ACACA: variants seen among roughly 807,000 people sequenced by gnomAD.
The protein encoded by ACACA is acetyl-CoA carboxylase 1.
A neutral mutation model predicts 296.1 loss-of-function variants in ACACA; 103 were observed. That is an observed-to-expected ratio of 0.35 (90% CI 0.30 to 0.41). The LOEUF (loss-of-function observed/expected upper bound fraction) is 0.41, where lower values mean the gene tolerates loss of function less well. ACACA is among the 10% of genes least tolerant of loss of function. ACACA has a pLI of 1.00. For missense variants in ACACA, 1,554 were observed against 2,989.7 expected, an observed-to-expected ratio of 0.52 and a Z score of 11.20; for synonymous variants, 953 against 1,038.6, an observed-to-expected ratio of 0.92 and a Z score of 1.58.
At chr17:37,363,033 CTTT>C (rs546785530) in intron 1 of ACACA, among the ~76,000 whole-genome samples, 1 of 140,004 alleles carries the variant, frequency 7.1e-6, no homozygotes, top group Non-Finnish European at 1.6e-5. Context: ...ATTCCCAGCC[CTTT>C]TTTTTTTTTT....
chr17:37,346,307 A>ACT (rs1407192117), intron 1 of ACACA, among the ~76,000 whole-genome samples: 1 of 133,854 alleles, frequency 7.5e-6, no homozygotes. Context: ...ACAGAGCAAG[A>ACT]CTCTCTCTCA....
intron 48 of ACACA, among the ~76,000 whole-genome samples, chr17:37,124,414 A>T (rs1166709693): frequency 2.0e-5 from 3 of 152,234 alleles, no homozygotes; most frequent in Non-Finnish European, 4.4e-5. Flanking sequence ...TAAAGAACTT[A>T]ACAAAGGTTT....
chr17:37,386,177 T>C (rs1363767861), intron 1 of ACACA: 1 of 1,213,278 alleles, frequency 8.2e-7, no homozygotes, highest in East Asian at 2.6e-5. Flanking sequence ...AGGAGTAAAA[T>C]GGGAACAGAA....
chr17:37,225,085 C>A lies in ACACA; in HGVS notation c.3381G>T (p.Leu1127Phe). The stretch of plus-strand genomic sequence containing the variant: ...GGTTATGGCGAAGCTCATATGATGG[C>A]AAATGGGAGGCAATAAGAACCTAGA... ...RARQVLIASH[L>F]PSYELRHNQV... is the part of the protein sequence containing the mutation. Residue 1127 changes from leucine to phenylalanine, a missense_variant, in exon 27 of 56, where the codon TTG becomes TTT. Transcript: ENST00000616317. 1 of 1,610,880 alleles carries A rather than the reference C, an allele frequency of 6.2e-7. No individual in the cohort carries two copies. The highest frequency in any genetic ancestry group is 8.5e-7 in the Non-Finnish European group (1 of 1,177,480).
intron 42 of ACACA, 39 bp from the exon 43 acceptor site, chr17:37,155,819 T>A: frequency 4.5e-6 from 6 of 1,334,194 alleles, no homozygotes; most frequent in Non-Finnish European, 6.4e-6. Context: ...TTATTTGCCA[T>A]TGTCATATAA....
intron 54 of ACACA, among the ~76,000 whole-genome samples, chr17:37,096,124 A>G (rs1394090312): frequency 6.6e-6 from 1 of 152,214 alleles, no homozygotes; most frequent in East Asian, 1.9e-4. Flanking sequence ...CCTGCCGATC[A>G]CAACCTGTTA....
intron 1 of ACACA, among the ~76,000 whole-genome samples, chr17:37,340,205 C>A (rs2048320936): frequency 6.6e-6 from 1 of 152,198 alleles, no homozygotes. Context: ...ACTAGATTCT[C>A]TACAATTCAC....
intron 1 of ACACA, among the ~76,000 whole-genome samples, chr17:37,344,547 G>A (rs2048529054): frequency 6.6e-6 from 1 of 151,850 alleles, no homozygotes; most frequent in Admixed American, 6.6e-5. Context: ...GACAGAGCGA[G>A]ACTCCTTCTC....
chr17:37,173,982 TTATATATATA>T lies in ACACA; in HGVS notation c.5079+5268_5079+5277del, dbSNP rs1173883631. Among the ~76,000 whole-genome samples the T allele has an allele frequency of 6.0e-3, 117 of 19,422 alleles. 7 individuals are homozygous for T. Among genetic ancestry groups the T allele is most frequent in the East Asian group, 0.011 (12 of 1,120 alleles). The allele number at this position is 19,422 out of a possible 152,430, so 12.7% of individuals were successfully genotyped here. A position where few individuals can be genotyped will look rare whatever the true frequency, so the allele number is the denominator to read the frequency against. On this transcript the variant is annotated intron_variant, in intron 41 of 55. Coordinates refer to ENST00000616317, the MANE Select transcript of ACACA (RefSeq NM_198834.3). ...GCGCCTGCCAACACGCCTGGCTAAT[TTATATATATA>T]TATATATATATATATATATATATAT...
intron 35 of ACACA, among the ~76,000 whole-genome samples, chr17:37,196,171 TTC>T (rs1460852842): frequency 6.6e-6 from 1 of 152,078 alleles, no homozygotes; most frequent in Admixed American, 6.6e-5. Flanking sequence ...GCTGGTACAA[TTC>T]TCTTTTACCT....
In ACACA at chr17:37,168,523, CA is replaced by C. The variant is rs1008536124; in HGVS notation, c.5080-6474del. Among the ~76,000 whole-genome samples, 1,011 of 136,216 alleles carry C rather than the reference CA, an allele frequency of 7.4e-3. 4 individuals carry two copies. Among genetic ancestry groups the C allele is most frequent in the Non-Finnish European group, 9.5e-3 (597 of 62,564 alleles). 89.4% of individuals were successfully genotyped at this position (136,216 alleles called of 152,430 possible). On this transcript the variant is annotated intron_variant, in intron 41 of 55. Coordinates refer to ENST00000616317, the MANE Select transcript of ACACA (RefSeq NM_198834.3). ...AGTGTACGTTTGAGCATTTCCATAA[CA>C]AAAAAAAAAATTTAAGGGGGGAAAA... is the stretch of plus-strand genomic sequence containing the variant.
intron 5 of ACACA, among the ~76,000 whole-genome samples, chr17:37,279,299 A>T (rs1434599833): frequency 6.6e-6 from 1 of 152,212 alleles, no homozygotes; most frequent in Non-Finnish European, 1.5e-5. Flanking sequence ...ATTATTAAAC[A>T]ATGTTAGATA....
intron 45 of ACACA, among the ~76,000 whole-genome samples, chr17:37,140,198 ACT>A (rs1378603642): frequency 6.6e-6 from 1 of 152,134 alleles, no homozygotes; most frequent in East Asian, 1.9e-4. Flanking sequence ...GGATCCTCCC[ACT>A]CTCAAGATTT....
chr17:37,312,156 C>A (rs960169265), intron 3 of ACACA, among the ~76,000 whole-genome samples: 3 of 152,018 alleles, frequency 2.0e-5, no homozygotes, highest in Admixed American at 6.6e-5. Context: ...AATGGCATTT[C>A]AGTAAGGATA....
chr17:37,378,152 T>C (rs139417187), intron 1 of ACACA, among the ~76,000 whole-genome samples: 7 of 152,320 alleles, frequency 4.6e-5, no homozygotes, highest in African/African-American at 1.7e-4. Context: ...GGCATGCTTA[T>C]ATTACTCAAA....
At chr17:37,206,259 T>C (rs781421765) in intron 32 of ACACA, among the ~76,000 whole-genome samples, 6 of 152,198 alleles carry the variant, frequency 3.9e-5, no homozygotes, top group Non-Finnish European at 5.9e-5. Context: ...CCACATAATA[T>C]ATTTCCTTAC....
rs1189193698 is a variant in ACACA, at chr17:37,390,304, TTATATATATATA to T, written c.38+15946_38+15957del. Among the ~76,000 whole-genome samples, 36 of 17,976 alleles carry T rather than the reference TTATATATATATA, an allele frequency of 2.0e-3. 1 individual carries two copies. The highest frequency in any genetic ancestry group is 0.013 in the African/African-American group (33 of 2,620). 11.8% of individuals were successfully genotyped at this position (17,976 alleles called of 152,430 possible). On this transcript the variant is annotated intron_variant, in intron 1 of 55. Coordinates refer to ENST00000616317, the MANE Select transcript of ACACA (RefSeq NM_198834.3). The stretch of plus-strand genomic sequence containing the variant: ...ATATATAATTATATATTATACATAA[TTATATATATATA>T]TATATATATATATATATAAAAGGCC...
At chr17:37,216,522 A>G (rs1282884906) in intron 29 of ACACA, among the ~76,000 whole-genome samples, 1 of 152,148 alleles carries the variant, frequency 6.6e-6, no homozygotes, top group Non-Finnish European at 1.5e-5. Flanking sequence ...CTATTTAGTA[A>G]TCTGCTTTTT....
intron 3 of ACACA, among the ~76,000 whole-genome samples, chr17:37,292,299 A>T (rs1439269260): frequency 6.6e-6 from 1 of 152,222 alleles, no homozygotes; most frequent in African/African-American, 2.4e-5. Flanking sequence ...TTGTAATGAT[A>T]GTCTTTCAAG....
Sources: gnomAD v4.1 joint callset for allele counts (sites outside exome capture counted in the v4.1 genomes callset) on GRCh38, gnomAD v4.1.1 for gene constraint, MANE v1.5 for transcripts, NCBI Gene and HGNC (gene_info 2026-07-23, HGNC 2026-07-21) for gene names.